Variants in ADGRA2 observed in about 807,000 individuals in gnomAD.
ADGRA2 encodes the protein adhesion G protein-coupled receptor A2.
A neutral mutation model predicts 98.7 loss-of-function variants in ADGRA2; 61 were observed. The ratio of observed to expected loss-of-function variants is 0.62; its 90% confidence interval spans 0.50 to 0.76. The LOEUF is 0.76. ADGRA2 is among the 30% of genes least tolerant of loss of function. The pLI is 0.00. For missense variants in ADGRA2, 1,712 were observed against 1,860.0 expected, an observed-to-expected ratio of 0.92 and a Z score of 1.46; for synonymous variants, 858 against 831.5, an observed-to-expected ratio of 1.03 and a Z score of -0.55.
In ADGRA2 at chr8:37,829,504, A is replaced by G. The variant is rs376889170; in HGVS notation, c.499A>G (p.Ile167Val). The change falls in exon 5 of 19, where the codon ATC (isoleucine) becomes GTC (valine). Residue 167 changes from isoleucine (I) to valine (V), a missense_variant. Ile to Val is a conservative substitution (Grantham distance 29). Coordinates refer to ENST00000412232, the MANE Select transcript of ADGRA2 (RefSeq NM_032777.10). ...RLLRLNISGNIFSSLQPGVFD... is the reference protein window; with the variant it reads ...RLLRLNISGNVFSSLQPGVFD... Reference sequence around the variant, plus strand: ...TCCCTGCAGAAACATATCTGGAAACATCTTCTCCAGTCTGCAACCTGGGGT... The same window carrying G: ...TCCCTGCAGAAACATATCTGGAAACGTCTTCTCCAGTCTGCAACCTGGGGT... The G allele has an allele frequency of 1.2e-6, 2 of 1,613,438 alleles. No homozygotes were observed. The highest frequency in any genetic ancestry group is 1.3e-5 in the African/African-American group (1 of 75,034).
Position 37,840,267 on chromosome 8 carries a change from G to C in ADGRA2, c.2657+1G>C, listed in dbSNP as rs777607792. The C allele has an allele frequency of 6.2e-7, 1 of 1,611,618 alleles. No individual in the cohort carries two copies. The highest frequency in any genetic ancestry group is 8.5e-7 in the Non-Finnish European group (1 of 1,179,936). On this transcript the variant is annotated splice_donor_variant, in intron 17 of 18. Transcript: ENST00000412232. LOFTEE classifies it high-confidence loss of function. ...TGCCTACTCCCAGTCCTATGCTCCG[G>C]TACATACTTTCAATTCCAGCTTTGC... is the stretch of plus-strand genomic sequence containing the variant.
intron 1 of ADGRA2, among the ~76,000 whole-genome samples, chr8:37,813,716 AAC>A (rs1804906651): frequency 1.3e-5 from 2 of 152,116 alleles, no homozygotes; most frequent in South Asian, 4.1e-4. Flanking sequence ...AAGCCCCTTC[AAC>A]TCTTTTCCAT....
At chr8:37,838,915 G>A (rs776107130) in intron 14 of ADGRA2, 41 bp from the exon 15 acceptor site, 2 of 1,528,608 alleles carry the variant, frequency 1.3e-6, no homozygotes, top group African/African-American at 1.4e-5. Flanking sequence ...GCCTGGCGAG[G>A]TGTCCACATT....
Position 37,843,826 on chromosome 8 carries a change from T to C in ADGRA2, c.*1471T>C, listed in dbSNP as rs1400780876. 6.5e-6 allele frequency: 1 copy of C among 152,792 alleles called. No homozygotes were observed. The highest frequency in any genetic ancestry group is 1.5e-5 in the Non-Finnish European group (1 of 68,160). 9.5% of individuals were successfully genotyped at this position (152,792 alleles called of 1,614,324 possible). The stretch of plus-strand genomic sequence containing the variant: ...CCAATGCCTTAGCACTGGAGAGCTT[T>C]TTGCAATATGCTGGGGAAAGGGGAG... On this transcript the variant is annotated 3_prime_UTR_variant, in exon 19 of 19. Transcript: ENST00000412232.
At chr8:37,799,427 C>T (rs993854409) in intron 1 of ADGRA2, among the ~76,000 whole-genome samples, 1 of 151,388 alleles carries the variant, frequency 6.6e-6, no homozygotes, top group Non-Finnish European at 1.5e-5. Context: ...CATGTGTGCA[C>T]ACTCTTGTGT....
chr8:37,809,287 C>A (rs1458848604), intron 1 of ADGRA2, among the ~76,000 whole-genome samples: 1 of 146,030 alleles, frequency 6.8e-6, no homozygotes, highest in African/African-American at 2.5e-5. Context: ...TAGAGCGAAA[C>A]TTGTCTCTCT....
Position 37,842,269 on chromosome 8 carries a change from TACG to T in ADGRA2, c.3938_3940del (p.Asp1313del), listed in dbSNP as rs1805829008. The T allele has an allele frequency of 6.4e-7, 1 of 1,571,516 alleles. No individual in the cohort carries two copies. The highest frequency in any genetic ancestry group is 1.2e-5 in the South Asian group (1 of 85,728). On this transcript the variant is annotated inframe_deletion, in exon 19 of 19. Transcript: ENST00000412232. ...AAACGGCGCCCCCAAGGGGGGCAAG[TACG>T]ACGACGTCACCCTGATGGGCGCGGA...
chr8:37,836,790 GTC>G (rs1163308406), intron 13 of ADGRA2, among the ~76,000 whole-genome samples: 1 of 152,146 alleles, frequency 6.6e-6, no homozygotes. Flanking sequence ...GCCCTCTAGG[GTC>G]CTAGCGATGT....
intron 14 of ADGRA2, 107 bp downstream of exon 14, chr8:37,838,046 G>A (rs1355844893): frequency 1.0e-6 from 1 of 969,074 alleles, no homozygotes; most frequent in Non-Finnish European, 1.5e-6. Flanking sequence ...AATACAGAAA[G>A]GACTGCAGCC....
chr8:37,829,359 G>C (rs369450607), intron 4 of ADGRA2, 27 bp downstream of exon 4: 2 of 1,595,378 alleles, frequency 1.3e-6, no homozygotes, highest in Non-Finnish European at 1.7e-6. Flanking sequence ...GAAGTGGGGA[G>C]GGGAGGAGAG....
At chr8:37,815,072 G>A in intron 2 of ADGRA2, 105 bp downstream of exon 2, 2 of 841,470 alleles carry the variant, frequency 2.4e-6, no homozygotes. Context: ...TCCAGAACCT[G>A]CCGGCCGAGC....
In ADGRA2 at chr8:37,834,470, G is replaced by A. The variant is rs1343702131; in HGVS notation, c.1608+342G>A. 2.0e-5 allele frequency among the ~76,000 whole-genome samples: 3 copies of A among 152,242 alleles called. No homozygotes were observed. The highest frequency in any genetic ancestry group is 2.0e-4 in the Admixed American group (3 of 15,284). On this transcript the variant is annotated intron_variant, in intron 11 of 18. Transcript: ENST00000412232. This position sits in a 1 kb window ranked among gnomAD's most constrained non-coding sequence, Gnocchi z 4.2. ...GTGAAGAGTAATGGAAGTTCCCTGA[G>A]AGAAGGTGAGTGCTCCAATCTGATA...
In ADGRA2 at chr8:37,835,768, C is replaced by T. The variant is rs1341826852; in HGVS notation, c.2048C>T (p.Thr683Ile). The T allele has an allele frequency of 6.2e-6, 10 of 1,606,374 alleles. No individual in the cohort carries two copies. The highest frequency in any genetic ancestry group is 1.3e-5 in the African/African-American group (1 of 74,760). The change falls in exon 13 of 19, where the codon ACC becomes ATC. Residue 683 changes from threonine (T) to isoleucine (I), a missense_variant and splice_region_variant. Coordinates refer to ENST00000412232, the MANE Select transcript of ADGRA2 (RefSeq NM_032777.10). The part of the protein sequence containing the change: ...GVATPVIFAG[T>I]SGCGVGNLTE... ...GCCACCCCCGTCATCTTCGCAGGAACCAGTAAGGGACTGAATTCCCCGCCC... is the reference window on the plus strand; with the variant it reads ...GCCACCCCCGTCATCTTCGCAGGAATCAGTAAGGGACTGAATTCCCCGCCC...
chr8:37,824,243 C>A (rs767903448), intron 2 of ADGRA2, among the ~76,000 whole-genome samples: 13 of 151,968 alleles, frequency 8.6e-5, no homozygotes, highest in African/African-American at 1.2e-4. Context: ...GTTAGTCAGG[C>A]TGGTCTCGAA....
At chr8:37,824,220 T>TG (rs1272023785) in intron 2 of ADGRA2, among the ~76,000 whole-genome samples, 13 of 151,970 alleles carry the variant, frequency 8.6e-5, no homozygotes, top group Non-Finnish European at 1.5e-4. Flanking sequence ...TTAGTAGAGA[T>TG]GGGTTTCACC....
rs773451688 is a variant in ADGRA2 at position 37,833,745 on chromosome 8, G to A, written c.1354G>A (p.Ala452Thr). The A allele has an allele frequency of 1.9e-6, 3 of 1,614,214 alleles. No homozygotes were observed. The highest frequency in any genetic ancestry group is 2.2e-5 in the South Asian group (2 of 91,086). Residue 452 changes from alanine (A) to threonine (T), a missense_variant, in exon 10 of 19, where the codon GCC (alanine) becomes ACC (threonine). By Grantham distance (58) the Ala-to-Thr change is moderately conservative. Coordinates refer to ENST00000412232, the MANE Select transcript of ADGRA2 (RefSeq NM_032777.10). ...TLAHQLRVYT[A>T]EAASFSDMMD... The stretch of plus-strand genomic sequence containing the variant: ...GGCTCACCAGCTGCGCGTGTACACA[G>A]CCGAGGCCGCTAGCTTTTCAGACAT...
chr8:37,841,164 T>G lies in ADGRA2; in HGVS notation c.2826T>G (p.Tyr942Ter). The change falls in exon 19 of 19, where the codon TAT becomes TAG. Residue 942 changes from tyrosine to a stop codon, truncating the protein, a stop_gained. Coordinates refer to ENST00000412232, the MANE Select transcript of ADGRA2 (RefSeq NM_032777.10). LOFTEE classifies it low-confidence loss of function (END_TRUNC). This position sits in a 1 kb window ranked among gnomAD's most constrained non-coding sequence, Gnocchi z 5.0. ...VALILLITWI[Y>*]FLCAGLRLRG... ...TGATTCTGCTCATCACCTGGATCTA[T>G]TTCCTGTGCGCCGGGCTACGCTTAC... 1 of 1,612,886 alleles carries G rather than the reference T, an allele frequency of 6.2e-7. No individual in the cohort carries two copies. Among genetic ancestry groups the G allele is most frequent in the Non-Finnish European group, 8.5e-7 (1 of 1,179,970 alleles).
chr8:37,810,333 AC>A (rs1231050877), intron 1 of ADGRA2, among the ~76,000 whole-genome samples: 4 of 151,674 alleles, frequency 2.6e-5, no homozygotes, highest in African/African-American at 9.7e-5. Context: ...ACATGGTGAA[AC>A]CCCGTTTCTA....
Position 37,831,521 on chromosome 8 carries a change from TG to T in ADGRA2, c.1033del (p.Val345CysfsTer88). 1.2e-6 allele frequency: 2 copies of T among 1,613,406 alleles called. No homozygotes were observed. The highest frequency in any genetic ancestry group is 1.7e-6 in the Non-Finnish European group (2 of 1,179,878). On this transcript the variant is annotated frameshift_variant, in exon 8 of 19. Transcript: ENST00000412232. LOFTEE classifies it high-confidence loss of function. Reference protein sequence around the residue: ...QGNASKKVEIVVLETSASYCP... With the variant: ...QGNASKKVEIXVLETSASYCP... Reference sequence around the variant, plus strand: ...AACGCCAGCAAGAAGGTGGAGATCGTGGTGCTGGAGACCTCTGCCTCCTACT... The same window carrying T: ...AACGCCAGCAAGAAGGTGGAGATCGTGTGCTGGAGACCTCTGCCTCCTACT...
Sources: allele counts gnomAD v4.1 joint callset (sites outside exome capture counted in the v4.1 genomes callset), GRCh38; gene constraint gnomAD v4.1.1; non-coding constraint Gnocchi (gnomAD v3.1); transcripts MANE v1.5; gene names NCBI Gene and HGNC (gene_info 2026-07-23, HGNC 2026-07-21).